EPB41L3: variants seen among roughly 807,000 people sequenced by gnomAD.
EPB41L3 encodes band 4.1-like protein 3.
A neutral mutation model predicts 127.1 loss-of-function variants in EPB41L3; 57 were observed. The observed-to-expected ratio is 0.45, with a 90% confidence interval of 0.36 to 0.56. The LOEUF (loss-of-function observed/expected upper bound fraction) is 0.56, where lower values mean the gene tolerates loss of function less well. Among genes scored for constraint, EPB41L3 ranks in the 20% least tolerant of loss-of-function variants. The probability of loss-of-function intolerance (pLI) is 0.00; values close to 1 mark genes in which losing one functional copy is unlikely to be tolerated. For missense variants in EPB41L3, 1,273 were observed against 1,372.2 expected (o/e 0.93, Z 1.14); for synonymous variants, 572 against 549.5 (o/e 1.04, Z -0.57).
intron 1 of EPB41L3, among the ~76,000 whole-genome samples, chr18:5,614,878 T>C (rs1472988698): frequency 2.6e-5 from 4 of 152,206 alleles, no homozygotes; most frequent in South Asian, 2.1e-4. Context: ...TAATTATACA[T>C]TAGTAAAATC....
rs146698184 is a variant in EPB41L3 at position 5,450,893 on chromosome 18, C to T, written c.382-5649G>A. Among the ~76,000 whole-genome samples, 358 of 152,244 alleles carry T rather than the reference C, an allele frequency of 2.4e-3. 1 individual carries two copies. The highest frequency in any genetic ancestry group is 7.8e-3 in the African/African-American group (326 of 41,548). On this transcript the variant is annotated intron_variant, in intron 3 of 22. Transcript: ENST00000341928. Reference sequence around the variant, plus strand: ...AGCTCTCCCAGTCTCCTGAATCGCCCCTGAAGTGGGAGTTACATCTAGAAA... The same window carrying T: ...AGCTCTCCCAGTCTCCTGAATCGCCTCTGAAGTGGGAGTTACATCTAGAAA...
chr18:5,516,642 G>C (rs2092762647), intron 1 of EPB41L3, among the ~76,000 whole-genome samples: 1 of 152,134 alleles, frequency 6.6e-6, no homozygotes, highest in South Asian at 2.1e-4. Context: ...ATGAATACAG[G>C]GAATGTAAAT....
chr18:5,502,280 G>A (rs2091812401), intron 1 of EPB41L3, among the ~76,000 whole-genome samples: 1 of 151,498 alleles, frequency 6.6e-6, no homozygotes, highest in Non-Finnish European at 1.5e-5. Context: ...CAGTTCAAAG[G>A]AGACTAACTC....
At chr18:5,614,624 T>C (rs1265893408) in intron 1 of EPB41L3, among the ~76,000 whole-genome samples, 1 of 152,104 alleles carries the variant, frequency 6.6e-6, no homozygotes, top group East Asian at 1.9e-4. Flanking sequence ...TCTGAAGTTG[T>C]TGCAAACTTT....
chr18:5,418,289 G>C (rs937634543), intron 12 of EPB41L3, among the ~76,000 whole-genome samples: 13 of 152,180 alleles, frequency 8.5e-5, no homozygotes, highest in Non-Finnish European at 1.3e-4. Context: ...AGTGAGGACA[G>C]CTTAGTGCTA....
chr18:5,549,618 C>A (rs984088210), intron 3 of EPB41L3, among the ~76,000 whole-genome samples: 2 of 152,174 alleles, frequency 1.3e-5, no homozygotes, highest in African/African-American at 4.8e-5. Flanking sequence ...CCATTGATAT[C>A]AGAATCATTC....
At chr18:5,612,425 A>G in exon 3 of EPB41L3, 1 of 152,218 alleles carries the variant, frequency 6.6e-6, no homozygotes, top group Admixed American at 6.5e-5. Flanking sequence ...GTTCTATGCG[A>G]ATCCTGGAAA....
chr18:5,415,572 C>T (rs112510429), intron 13 of EPB41L3, among the ~76,000 whole-genome samples: 1,800 of 152,320 alleles, frequency 0.012, 41 homozygotes, highest in African/African-American at 0.041. Context: ...AGTCTTTCAT[C>T]CCACGTAGAA....
intron 1 of EPB41L3, among the ~76,000 whole-genome samples, chr18:5,527,123 T>C (rs537185238): frequency 6.6e-6 from 1 of 152,142 alleles, no homozygotes; most frequent in East Asian, 1.9e-4. Flanking sequence ...GTGTTCATTC[T>C]TAAGGGGGAG....
chr18:5,622,843 T>C (rs922733898), intron 1 of EPB41L3, among the ~76,000 whole-genome samples: 1 of 152,164 alleles, frequency 6.6e-6, no homozygotes, highest in Non-Finnish European at 1.5e-5. Context: ...AATATGAGTC[T>C]CTGATTAAAC....
chr18:5,395,467 AAGCTCCCCTTGC>A (rs1309432820), intron 20 of EPB41L3, 130 bp downstream of exon 20: 1 of 739,042 alleles, frequency 1.4e-6, no homozygotes, highest in Non-Finnish European at 2.3e-6. Context: ...GGGGCTGTAA[AAGCTCCCCTTGC>A]AGCTATCCCG....
chr18:5,517,088 G>A (rs183151366), intron 1 of EPB41L3, among the ~76,000 whole-genome samples: 28 of 152,224 alleles, frequency 1.8e-4, no homozygotes, highest in African/African-American at 6.0e-4. Flanking sequence ...GAGCAACATC[G>A]TCTTGTCGGT....
chr18:5,513,672 G>A (rs1051323964), intron 1 of EPB41L3, among the ~76,000 whole-genome samples: 2 of 152,190 alleles, frequency 1.3e-5, no homozygotes, highest in African/African-American at 4.8e-5. Context: ...GTTAAGTGGT[G>A]ATATTAATCA....
intron 5 of EPB41L3, among the ~76,000 whole-genome samples, chr18:5,441,968 A>G (rs2080848351): frequency 6.6e-6 from 1 of 152,194 alleles, no homozygotes; most frequent in Non-Finnish European, 1.5e-5. Context: ...GAAGTTAAAG[A>G]AAAAATGAAT....
chr18:5,516,743 T>C (rs1403549316), intron 1 of EPB41L3, among the ~76,000 whole-genome samples: 1 of 152,216 alleles, frequency 6.6e-6, no homozygotes, highest in Non-Finnish European at 1.5e-5. Context: ...TAGCCCACTA[T>C]ATATTTGTAT....
intron 3 of EPB41L3, among the ~76,000 whole-genome samples, chr18:5,457,959 C>T (rs1442795551): frequency 6.6e-6 from 1 of 152,084 alleles, no homozygotes; most frequent in South Asian, 2.1e-4. Flanking sequence ...GAGTTGTGGT[C>T]GGGGTAGCCT....
intron 1 of EPB41L3, among the ~76,000 whole-genome samples, chr18:5,617,896 G>A (rs1356734913): frequency 6.6e-6 from 1 of 152,162 alleles, no homozygotes; most frequent in Non-Finnish European, 1.5e-5. Context: ...GATTCAAGAA[G>A]GAAGTTGCAA....
intron 3 of EPB41L3, among the ~76,000 whole-genome samples, chr18:5,561,671 G>A (rs1297830593): frequency 6.6e-5 from 10 of 152,184 alleles, no homozygotes; most frequent in East Asian, 1.9e-4. Flanking sequence ...GAATGCTAAC[G>A]TTAGTGGTTG....
chr18:5,588,486 A>G (rs1476611100), intron 3 of EPB41L3, among the ~76,000 whole-genome samples: 2 of 151,686 alleles, frequency 1.3e-5, no homozygotes, highest in African/African-American at 2.4e-5. Flanking sequence ...ATATATATAC[A>G]CATAAATATG....
Sources: allele counts gnomAD v4.1 joint callset (sites outside exome capture counted in the v4.1 genomes callset), GRCh38; gene constraint gnomAD v4.1.1; transcripts MANE v1.5; gene names NCBI Gene and HGNC (gene_info 2026-07-23, HGNC 2026-07-21).